MAN1C1: variants seen among roughly 807,000 people sequenced by gnomAD.
MAN1C1 encodes mannosidase alpha class 1C member 1.
MAN1C1 carries 49 observed loss-of-function variants against 71.5 expected under a neutral mutation model. The observed-to-expected ratio is 0.69, with a 90% CI of 0.54 to 0.87. The LOEUF (loss-of-function observed/expected upper bound fraction) is 0.87, where lower values mean the gene tolerates loss of function less well. Ranked by LOEUF, MAN1C1 falls within the 40% of genes least tolerant of loss-of-function variation. MAN1C1 has a pLI of 0.00. For missense variants in MAN1C1, 743 were observed against 835.0 expected, an observed-to-expected ratio of 0.89 and a Z score of 1.36; for synonymous variants, 352 against 343.7, an observed-to-expected ratio of 1.02 and a Z score of -0.27.
intron 6 of MAN1C1, chr1:25,763,547 G>T: frequency 4.3e-6 from 1 of 231,550 alleles, no homozygotes; most frequent in Non-Finnish European, 8.5e-6. Context: ...CCCTAAAGCA[G>T]CAAGCAATGA....
chr1:25,705,501 T>G (rs1294861765), intron 2 of MAN1C1, among the ~76,000 whole-genome samples: 4 of 152,260 alleles, frequency 2.6e-5, no homozygotes, highest in South Asian at 4.1e-4. Context: ...TTTCTGATTT[T>G]GGGCCAATCT....
chr1:25,617,851 G>A lies in MAN1C1; in HGVS notation c.54G>A (p.Arg18=). 1 of 1,606,594 alleles carries A rather than the reference G, an allele frequency of 6.2e-7. No individual in the cohort carries two copies. The highest frequency in any genetic ancestry group is 8.5e-7 in the Non-Finnish European group (1 of 1,177,504). The change falls in exon 1 of 12, where the codon CGG becomes CGA. Residue 18 remains arginine, a synonymous_variant. Coordinates refer to ENST00000374332, the MANE Select transcript of MAN1C1 (RefSeq NM_020379.4). The surrounding 1 kb of genome is among the most constrained non-coding windows in gnomAD (Gnocchi z 5.1). ...TCCCGGCCTCCCCGTGGGGGCTGCGGCTGCCGCAGAAGTTCCTCTTCCTCC... is the reference window on the plus strand; with the variant it reads ...TCCCGGCCTCCCCGTGGGGGCTGCGACTGCCGCAGAAGTTCCTCTTCCTCC... ...GFVPASPWGL[R]LPQKFLFLLF...
intron 2 of MAN1C1, among the ~76,000 whole-genome samples, chr1:25,729,296 G>A (rs751981014): frequency 1.1e-4 from 17 of 152,050 alleles, no homozygotes; most frequent in Non-Finnish European, 2.2e-4. Flanking sequence ...TCCACCCTGC[G>A]GGTTCCTGCT....
rs1341405218 is a variant in MAN1C1 at position 25,764,216 on chromosome 1, CA to C, written c.1141+252del. Among the ~76,000 whole-genome samples, 1 of 152,156 alleles carries C rather than the reference CA, an allele frequency of 6.6e-6. No individual in the cohort carries two copies. Reference sequence around the variant, plus strand: ...TACTGAAGGCCTGCCCTGTGCGTTCCAAACCCTACCTTCTCTGGCCCCATCA... The same window carrying C: ...TACTGAAGGCCTGCCCTGTGCGTTCCAACCCTACCTTCTCTGGCCCCATCA... On this transcript the variant is annotated intron_variant, in intron 7 of 11. Coordinates refer to ENST00000374332, the MANE Select transcript of MAN1C1 (RefSeq NM_020379.4). This position sits in a 1 kb window ranked among gnomAD's most constrained non-coding sequence, Gnocchi z 4.4.
chr1:25,681,653 C>T (rs1457155179), intron 1 of MAN1C1, among the ~76,000 whole-genome samples: 8 of 152,164 alleles, frequency 5.3e-5, no homozygotes, highest in Admixed American at 6.5e-5. Flanking sequence ...TGCACAGGTC[C>T]GTACCTAGAA....
At position 25,751,724 on chromosome 1, in the gene MAN1C1, A is replaced by G. The variant is rs538232658; in HGVS notation, c.835-1760A>G. Among the ~76,000 whole-genome samples the G allele has an allele frequency of 2.7e-4, 41 of 152,326 alleles. No homozygotes were observed. The Middle Eastern group carries it at 0.01, about 38-fold the overall frequency. On this transcript the variant is annotated intron_variant, in intron 4 of 11. Coordinates refer to ENST00000374332, the MANE Select transcript of MAN1C1 (RefSeq NM_020379.4). ...AGCCTCGGATGGCCCCATCAGGTGCATGTTATCACCGATTTGCAGATGAGG... is the reference window on the plus strand; with the variant it reads ...AGCCTCGGATGGCCCCATCAGGTGCGTGTTATCACCGATTTGCAGATGAGG...
At chr1:25,702,905 T>A (rs2046465835) in intron 2 of MAN1C1, among the ~76,000 whole-genome samples, 1 of 152,196 alleles carries the variant, frequency 6.6e-6, no homozygotes, top group Non-Finnish European at 1.5e-5. Context: ...ATCACTTTCC[T>A]CACCCTTCCC....
Position 25,764,407 on chromosome 1 carries a change from A to G in MAN1C1, c.1141+440A>G, listed in dbSNP as rs2047401037. Among the ~76,000 whole-genome samples, 2 of 149,510 alleles carry G rather than the reference A, an allele frequency of 1.3e-5. No homozygotes were observed. The highest frequency in any genetic ancestry group is 4.9e-5 in the African/African-American group (2 of 40,548). ...ATCAGGCTCCCCACTTCCAACTTCA[A>G]TTTTTTTTTGTTTTTTTGTTTTTGA... is the stretch of plus-strand genomic sequence containing the variant. On this transcript the variant is annotated intron_variant, in intron 7 of 11. Coordinates refer to ENST00000374332, the MANE Select transcript of MAN1C1 (RefSeq NM_020379.4). This position sits in a 1 kb window ranked among gnomAD's most constrained non-coding sequence, Gnocchi z 4.4.
intron 1 of MAN1C1, among the ~76,000 whole-genome samples, chr1:25,661,683 T>C (rs3767897): frequency 0.11 from 16,327 of 152,204 alleles, 2,017 homozygotes; most frequent in African/African-American, 0.27. Flanking sequence ...GCCACAGTTT[T>C]ATTAGAGTTC....
rs11586159 is a variant in MAN1C1 at position 25,779,410 on chromosome 1, G to A, written c.1477+1086G>A. On this transcript the variant is annotated intron_variant, in intron 9 of 11. Transcript: ENST00000374332. This position sits in a 1 kb window ranked among gnomAD's most constrained non-coding sequence, Gnocchi z 4.6. ...CGCCCATCATGATGTGTCTGTGCCC[G>A]CCCCAGCTGAATGGGGTCTCCTGGA... Among the ~76,000 whole-genome samples, 929 of 152,252 alleles carry A rather than the reference G, an allele frequency of 6.1e-3. 5 individuals carry two copies. The highest frequency in any genetic ancestry group is 9.7e-3 in the Non-Finnish European group (658 of 68,010).
chr1:25,627,464 G>A (rs997422485), intron 1 of MAN1C1, among the ~76,000 whole-genome samples: 4 of 152,006 alleles, frequency 2.6e-5, no homozygotes, highest in Non-Finnish European at 4.4e-5. Context: ...TAGTAGAGAC[G>A]GGGTTTTGCC....
At chr1:25,621,384 G>T (rs2045205806) in intron 1 of MAN1C1, among the ~76,000 whole-genome samples, 1 of 152,204 alleles carries the variant, frequency 6.6e-6, no homozygotes, top group Admixed American at 6.5e-5. Context: ...AAAGGTGTTG[G>T]CTGGAATGTA....
intron 1 of MAN1C1, among the ~76,000 whole-genome samples, chr1:25,627,867 TAAA>T (rs762132988): frequency 2.5e-5 from 3 of 122,000 alleles, no homozygotes; most frequent in African/African-American, 2.9e-5. Context: ...ACCCAATCTC[TAAA>T]AAAAAAAAAA....
intron 2 of MAN1C1, among the ~76,000 whole-genome samples, chr1:25,706,949 C>T (rs2046531806): frequency 6.6e-6 from 1 of 152,214 alleles, no homozygotes; most frequent in Admixed American, 6.5e-5. Context: ...GCAGCAGGGG[C>T]TGTAGGATTC....
chr1:25,766,117 A>G (rs2047422853), intron 7 of MAN1C1, among the ~76,000 whole-genome samples: 1 of 152,164 alleles, frequency 6.6e-6, no homozygotes, highest in Non-Finnish European at 1.5e-5. Flanking sequence ...GGCAAATTAT[A>G]AGGGAGCCCC....
In MAN1C1 at chr1:25,769,318, C is replaced by T. The variant is rs2047514012; in HGVS notation, c.1142-2339C>T. Among the ~76,000 whole-genome samples, 1 of 151,742 alleles carries T rather than the reference C, an allele frequency of 6.6e-6. No homozygotes were observed. The highest frequency in any genetic ancestry group is 1.5e-5 in the Non-Finnish European group (1 of 67,904). Reference sequence around the variant, plus strand: ...ATACCCCTCAGCACACACACACGCCCCCATACACCTACATACACCACACAC... The same window carrying T: ...ATACCCCTCAGCACACACACACGCCTCCATACACCTACATACACCACACAC... On this transcript the variant is annotated intron_variant, in intron 7 of 11. Coordinates refer to ENST00000374332, the MANE Select transcript of MAN1C1 (RefSeq NM_020379.4). This position sits in a 1 kb window ranked among gnomAD's most constrained non-coding sequence, Gnocchi z 4.8.
Position 25,782,788 on chromosome 1 carries a change from G to T in MAN1C1, c.1766+88G>T. Reference sequence around the variant, plus strand: ...TCCCTCCCCTCCACAGTCAGGTTCTGTGGTCACAGGACGGGAGCCCAAAAG... The same window carrying T: ...TCCCTCCCCTCCACAGTCAGGTTCTTTGGTCACAGGACGGGAGCCCAAAAG... On this transcript the variant is annotated intron_variant, in intron 11 of 11. Transcript: ENST00000374332. This position sits in a 1 kb window ranked among gnomAD's most constrained non-coding sequence, Gnocchi z 4.4. 2.0e-6 allele frequency: 2 copies of T among 1,002,864 alleles called. No individual in the cohort carries two copies. Among genetic ancestry groups the T allele is most frequent in the Non-Finnish European group, 3.1e-6 (2 of 641,976 alleles). The allele number at this position is 1,002,864 out of a possible 1,614,324, so 62.1% of individuals were successfully genotyped here. A position where few individuals can be genotyped will look rare whatever the true frequency, so the allele number is the denominator to read the frequency against.
intron 1 of MAN1C1, among the ~76,000 whole-genome samples, chr1:25,663,390 T>C (rs2045878400): frequency 6.6e-6 from 1 of 152,068 alleles, no homozygotes; most frequent in African/African-American, 2.4e-5. Context: ...CGGATAGTAC[T>C]GAACCTTATA....
chr1:25,733,249 A>G (rs1000871782), intron 2 of MAN1C1, among the ~76,000 whole-genome samples: 20 of 152,150 alleles, frequency 1.3e-4, no homozygotes, highest in Admixed American at 9.8e-4. Flanking sequence ...TCACCAAACC[A>G]AGATGGGTAG....
Sources: gnomAD v4.1 joint callset for allele counts (sites outside exome capture counted in the v4.1 genomes callset) on GRCh38, gnomAD v4.1.1 for gene constraint, Gnocchi (gnomAD v3.1) non-coding constraint, MANE v1.5 for transcripts, NCBI Gene and HGNC (gene_info 2026-07-23, HGNC 2026-07-21) for gene names.